Variants in MINDY2 observed in about 807,000 individuals in gnomAD.
MINDY2 encodes the protein ubiquitin carboxyl-terminal hydrolase MINDY-2.
MINDY2 carries 52 observed loss-of-function variants against 68.2 expected under a neutral mutation model. That is an observed-to-expected ratio of 0.76 (90% confidence interval 0.61 to 0.96). The LOEUF (loss-of-function observed/expected upper bound fraction) is 0.96. Ranked by LOEUF, MINDY2 falls within the 40% of genes least tolerant of loss-of-function variation. MINDY2 has a pLI of 0.00. For synonymous variants in MINDY2, 372 were observed against 303.0 expected (o/e 1.23, Z -2.36); for missense variants, 881 against 773.4 (o/e 1.14, Z -1.65).
At chr15:58,854,444 T>G (rs778317699) in intron 8 of MINDY2, 38 bp from the exon 9 acceptor site, 1 of 1,593,302 alleles carries the variant, frequency 6.3e-7, no homozygotes, top group Non-Finnish European at 8.5e-7. Context: ...TCCCTCAGAA[T>G]AGTTAGAGTA....
chr15:58,816,323 T>A (rs1371788344), intron 4 of MINDY2, among the ~76,000 whole-genome samples: 1 of 152,234 alleles, frequency 6.6e-6, no homozygotes, highest in African/African-American at 2.4e-5. Context: ...TTCTGGCAGA[T>A]CAATGCCAGA....
chr15:58,825,001 CAGTT>C (rs2031303407), intron 5 of MINDY2, among the ~76,000 whole-genome samples: 1 of 152,088 alleles, frequency 6.6e-6, no homozygotes, highest in Non-Finnish European at 1.5e-5. Flanking sequence ...GAGTGGTGTT[CAGTT>C]AAAGTAATCT....
intron 4 of MINDY2, among the ~76,000 whole-genome samples, chr15:58,816,382 C>CT (rs1466397401): frequency 1.3e-4 from 19 of 151,944 alleles, no homozygotes; most frequent in Non-Finnish European, 2.5e-4. Flanking sequence ...AGCCTGAATT[C>CT]TTTTTTTTAT....
chr15:58,842,983 C>CT (rs2032353695), intron 6 of MINDY2, among the ~76,000 whole-genome samples: 1 of 152,122 alleles, frequency 6.6e-6, no homozygotes, highest in African/African-American at 2.4e-5. Flanking sequence ...TTGGATAAGA[C>CT]TACATTTGTT....
At chr15:58,806,125 G>A (rs1319538691) in intron 3 of MINDY2, among the ~76,000 whole-genome samples, 1 of 152,260 alleles carries the variant, frequency 6.6e-6, no homozygotes, top group East Asian at 1.9e-4. Context: ...ACAGGCTGGA[G>A]TGTAGTGGCA....
intron 4 of MINDY2, among the ~76,000 whole-genome samples, chr15:58,814,486 A>C (rs2030538852): frequency 1.3e-5 from 2 of 151,908 alleles, no homozygotes; most frequent in Non-Finnish European, 1.5e-5. Context: ...TCCTGAGCTC[A>C]TGTGATCCTC....
rs1483112271 is a variant in MINDY2, at chr15:58,815,931, G to A, written c.1122+5543G>A. Among the ~76,000 whole-genome samples the A allele has an allele frequency of 5.3e-5, 8 of 152,102 alleles. No individual in the cohort carries two copies. The East Asian group carries it at 1.5e-3, about 29-fold the overall frequency. On this transcript the variant is annotated intron_variant, in intron 4 of 8. Transcript: ENST00000559228. ...TTGACCTCGTGATCCGTCTGCCTCG[G>A]CCTCCCAAAGTGCTGGGATTACAGG...
chr15:58,793,641 A>G (rs1902082463), intron 2 of MINDY2, among the ~76,000 whole-genome samples: 1 of 152,188 alleles, frequency 6.6e-6, no homozygotes, highest in South Asian at 2.1e-4. Context: ...TGCAAAAAAT[A>G]CTTTATACAA....
intron 3 of MINDY2, among the ~76,000 whole-genome samples, chr15:58,806,249 T>C (rs1029963634): frequency 6.6e-6 from 1 of 152,136 alleles, no homozygotes; most frequent in African/African-American, 2.4e-5. Flanking sequence ...AATTTTTTTA[T>C]TTTTAGTAGA....
chr15:58,786,353 T>C (rs1901497873), intron 1 of MINDY2, among the ~76,000 whole-genome samples: 1 of 152,240 alleles, frequency 6.6e-6, no homozygotes, highest in Admixed American at 6.5e-5. Flanking sequence ...ATATAGTAAT[T>C]ACTTTGAGTT....
Position 58,772,072 on chromosome 15 carries a change from C to T in MINDY2, c.677C>T (p.Thr226Ile), listed in dbSNP as rs1418333758. The change falls in exon 1 of 9, where the codon ACC becomes ATC. Residue 226 changes from threonine to isoleucine, a missense_variant. Physicochemically the swap from Thr to Ile is moderately conservative, Grantham distance 89. Transcript: ENST00000559228. ...TGCAAGGAGGAGGAGGGGGAGGAGA[C>T]CGCTCAGGTGCTGGCGGCCTCCAAG... is the stretch of plus-strand genomic sequence containing the variant. Reference protein sequence around the residue: ...PLCKEEEGEETAQVLAASKER... With the variant: ...PLCKEEEGEEIAQVLAASKER... 1.2e-6 allele frequency: 2 copies of T among 1,612,198 alleles called. No homozygotes were observed. The highest frequency in any genetic ancestry group is 1.7e-5 in the Admixed American group (1 of 59,820).
chr15:58,811,156 T>C (rs1384761244), intron 4 of MINDY2, among the ~76,000 whole-genome samples: 1 of 152,244 alleles, frequency 6.6e-6, no homozygotes, highest in Non-Finnish European at 1.5e-5. Context: ...AGTTATTTCA[T>C]AGGAGCTGGG....
At chr15:58,797,592 G>A (rs2140943473) in intron 2 of MINDY2, among the ~76,000 whole-genome samples, 1 of 152,260 alleles carries the variant, frequency 6.6e-6, no homozygotes, top group South Asian at 2.1e-4. Context: ...AATTACATTT[G>A]AGCTCAAATT....
chr15:58,852,936 T>G (rs28433983), intron 8 of MINDY2, among the ~76,000 whole-genome samples: 7,793 of 19,750 alleles, frequency 0.39, 72 homozygotes, highest in South Asian at 0.49. Flanking sequence ...TTTTTTTTTT[T>G]TTTTTTTTTT....
At chr15:58,837,311 G>A (rs2032039586) in intron 6 of MINDY2, among the ~76,000 whole-genome samples, 1 of 152,136 alleles carries the variant, frequency 6.6e-6, no homozygotes, top group African/African-American at 2.4e-5. Flanking sequence ...GGTGGCTCAT[G>A]TGTGTAATCC....
At chr15:58,846,695 C>T (rs1201304923) in intron 6 of MINDY2, among the ~76,000 whole-genome samples, 1 of 150,942 alleles carries the variant, frequency 6.6e-6, no homozygotes, top group East Asian at 1.9e-4. Context: ...TATGCACGTA[C>T]AGAGTTTATG....
intron 6 of MINDY2, among the ~76,000 whole-genome samples, chr15:58,835,133 G>A (rs2031931466): frequency 6.6e-6 from 1 of 152,140 alleles, no homozygotes; most frequent in Admixed American, 6.6e-5. Flanking sequence ...CCATGAGCAA[G>A]GAAGCTATGG....
chr15:58,794,008 G>A (rs1444173816), intron 2 of MINDY2, among the ~76,000 whole-genome samples: 2 of 152,108 alleles, frequency 1.3e-5, no homozygotes, highest in African/African-American at 4.8e-5. Flanking sequence ...AATAATGGGA[G>A]GCCAGGATTT....
rs374853839 is a variant in MINDY2 at position 58,771,751 on chromosome 15, T to A, written c.356T>A (p.Val119Glu). The A allele has an allele frequency of 6.2e-7, 1 of 1,609,710 alleles. No individual in the cohort carries two copies. The highest frequency in any genetic ancestry group is 1.3e-5 in the African/African-American group (1 of 74,352). ...TCCCCGGAGACAGCCGTGGCCGGAG[T>A]GGGTCATGAGTTGGGTACCGCCGGA... ...TASPETAVAG[V>E]GHELGTAGDA... is the part of the protein sequence containing the mutation. The change falls in exon 1 of 9, where the codon GTG (valine) becomes GAG (glutamate). Residue 119 changes from valine to glutamate, a missense_variant. Coordinates refer to ENST00000559228, the MANE Select transcript of MINDY2 (RefSeq NM_001040450.3).
Sources: gnomAD v4.1 joint callset for allele counts (sites outside exome capture counted in the v4.1 genomes callset) on GRCh38, gnomAD v4.1.1 for gene constraint, MANE v1.5 for transcripts, NCBI Gene and HGNC (gene_info 2026-07-23, HGNC 2026-07-21) for gene names.